Variants in R3HDM1 observed in about 807,000 individuals in gnomAD.
R3HDM1 encodes the protein R3H domain containing 1.
R3HDM1 carries 46 observed loss-of-function variants against 141.1 expected under a neutral mutation model. The ratio of observed to expected loss-of-function variants is 0.33; its 90% CI spans 0.26 to 0.42. The LOEUF (loss-of-function observed/expected upper bound fraction) is 0.42, where lower values mean the gene tolerates loss of function less well. R3HDM1 is among the 10% of genes least tolerant of loss of function. R3HDM1 has a pLI of 1.00. For missense variants in R3HDM1, 1,184 were observed against 1,368.3 expected, an observed-to-expected ratio of 0.87 and a Z score of 2.12; for synonymous variants, 435 against 472.9, an observed-to-expected ratio of 0.92 and a Z score of 1.04.
At chr2:135,554,602 C>T (rs750105830) in intron 1 of R3HDM1, among the ~76,000 whole-genome samples, 2 of 152,180 alleles carry the variant, frequency 1.3e-5, no homozygotes, top group Non-Finnish European at 2.9e-5. Context: ...TCTAAGGTGG[C>T]TATACCATTT....
intron 21 of R3HDM1, among the ~76,000 whole-genome samples, chr2:135,704,736 G>A (rs1022846427): frequency 6.6e-6 from 1 of 152,116 alleles, no homozygotes; most frequent in African/African-American, 2.4e-5. Context: ...TAGGATTACA[G>A]GCATGAGCCA....
At chr2:135,584,647 A>G (rs576448711) in intron 1 of R3HDM1, among the ~76,000 whole-genome samples, 22 of 152,360 alleles carry the variant, frequency 1.4e-4, no homozygotes, top group African/African-American at 4.8e-4. Context: ...AATTAGAGGA[A>G]GGCCTCTACT....
chr2:135,720,239 G>A (rs1427247174), intron 24 of R3HDM1, among the ~76,000 whole-genome samples: 1 of 152,166 alleles, frequency 6.6e-6, no homozygotes, highest in African/African-American at 2.4e-5. Context: ...TCTATAGGTT[G>A]GGAAAGAGTA....
intron 19 of R3HDM1, among the ~76,000 whole-genome samples, chr2:135,672,807 T>A (rs2068599952): frequency 6.6e-6 from 1 of 151,990 alleles, no homozygotes; most frequent in South Asian, 2.1e-4. Context: ...TAGGCTGCTT[T>A]AAAGAATAAG....
chr2:135,650,329 C>G (rs372698095), intron 17 of R3HDM1: 9 of 985,278 alleles, frequency 9.1e-6, no homozygotes, highest in East Asian at 1.1e-4. Flanking sequence ...GGGATGGCAG[C>G]TTTCATCTGG....
chr2:135,641,766 A>G lies in R3HDM1; in HGVS notation c.1450A>G (p.Ser484Gly), dbSNP rs557924039. ...PLEAAGIPPG[S>G]ILINPQTGQP... ...GGAAGCGGCAGGCATACCACCTGGC[A>G]GTATTCTGATCAACCCACAAACAGG... The change falls in exon 15 of 27, where the codon AGT (serine) becomes GGT (glycine). Residue 484 changes from serine to glycine, a missense_variant. Transcript: ENST00000683871. The G allele has an allele frequency of 4.2e-5, 68 of 1,614,026 alleles. No individual in the cohort carries two copies. The Middle Eastern group carries it at 4.9e-4, about 12-fold the overall frequency.
At chr2:135,708,848 A>G (rs1448238119) in intron 21 of R3HDM1, among the ~76,000 whole-genome samples, 1 of 149,878 alleles carries the variant, frequency 6.7e-6, no homozygotes, top group African/African-American at 2.4e-5. Context: ...AATCTCAGCT[A>G]CTTGGGAGGC....
intron 21 of R3HDM1, among the ~76,000 whole-genome samples, chr2:135,706,366 T>G (rs970132472): frequency 6.9e-6 from 1 of 144,904 alleles, no homozygotes; most frequent in Non-Finnish European, 1.5e-5. Context: ...TCCATAGTTT[T>G]GTTTTTGTTT....
rs1374435676 is a variant in R3HDM1 at position 135,649,955 on chromosome 2, T to C, written c.1677T>C (p.Pro559=). 1 of 1,296,616 alleles carries C rather than the reference T, an allele frequency of 7.7e-7. No homozygotes were observed. Among genetic ancestry groups the C allele is most frequent in the East Asian group, 5.6e-5 (1 of 17,738 alleles). The allele number at this position is 1,296,616 out of a possible 1,614,324, so 80.3% of individuals were successfully genotyped here. Residue 559 remains proline (P), a synonymous_variant, in exon 17 of 27, where the codon CCT becomes CCC. Transcript: ENST00000683871. ...AGCCTGTTCAGTACTCTACAGCCCCTTACCCATCCCCGTTCCTGCCAGTCT... is the reference window on the plus strand; with the variant it reads ...AGCCTGTTCAGTACTCTACAGCCCCCTACCCATCCCCGTTCCTGCCAGTCT... ...SSQPVQYSTA[P]YPSPFLPVSP... is the part of the protein sequence containing the mutation.
At position 135,711,780 on chromosome 2, in the gene R3HDM1, GA is replaced by G. The variant is rs573516650; in HGVS notation, c.2736+1552del. On this transcript the variant is annotated intron_variant, in intron 23 of 26. Coordinates refer to ENST00000683871, the MANE Select transcript of R3HDM1 (RefSeq NM_001378107.1). Reference sequence around the variant, plus strand: ...TTGAGACCAGCCTGGCCAACATGGAGAAACCCCGTCTCTACTAAAAATACAA... The same window carrying G: ...TTGAGACCAGCCTGGCCAACATGGAGAACCCCGTCTCTACTAAAAATACAA... 7.9e-5 allele frequency among the ~76,000 whole-genome samples: 12 copies of G among 151,842 alleles called. No homozygotes were observed. In the South Asian group the frequency reaches 2.5e-3, roughly 32 times the overall value.
intron 1 of R3HDM1, among the ~76,000 whole-genome samples, chr2:135,591,506 A>T (rs1486152962): frequency 6.6e-6 from 1 of 152,218 alleles, no homozygotes; most frequent in Admixed American, 6.5e-5. Flanking sequence ...GGCATTCTGA[A>T]TGGCTAAATT....
At chr2:135,712,471 C>T (rs898705596) in intron 23 of R3HDM1, among the ~76,000 whole-genome samples, 5 of 147,020 alleles carry the variant, frequency 3.4e-5, no homozygotes, top group African/African-American at 7.6e-5. Context: ...GGGGTATTGC[C>T]GTGTTGCCCA....
intron 17 of R3HDM1, 112 bp downstream of exon 17, chr2:135,650,115 T>C (rs963133258): frequency 1.3e-5 from 13 of 1,011,240 alleles, no homozygotes; most frequent in Non-Finnish European, 1.6e-5. Flanking sequence ...TGGGTCAGGT[T>C]TACATATGTA....
intron 11 of R3HDM1, 25 bp from the exon 12 acceptor site, chr2:135,638,592 CT>C (rs760277101): frequency 6.3e-7 from 1 of 1,589,560 alleles, no homozygotes; most frequent in East Asian, 2.2e-5. Flanking sequence ...AAAAGCTCAA[CT>C]TTTTGTATCT....
In R3HDM1 at chr2:135,652,171, C is replaced by G. The variant is rs1007360704; in HGVS notation, c.2028+139C>G. ...AACAAAGCATATACTCATCTTTCCG[C>G]CTCTGGAGATTTTCACGCACATGCT... On this transcript the variant is annotated intron_variant, in intron 18 of 26. Coordinates refer to ENST00000683871, the MANE Select transcript of R3HDM1 (RefSeq NM_001378107.1). The G allele has an allele frequency of 1.3e-5, 17 of 1,304,634 alleles. No homozygotes were observed. The African/African-American group carries it at 2.2e-4, about 17-fold the overall frequency. 80.8% of individuals were successfully genotyped at this position (1,304,634 alleles called of 1,614,324 possible). A position where few individuals can be genotyped will look rare whatever the true frequency, so the allele number is the denominator to read the frequency against.
rs79311597 is a variant in R3HDM1 at position 135,701,020 on chromosome 2, A to G, written c.2460-8413A>G. Among the ~76,000 whole-genome samples, 65 of 152,234 alleles carry G rather than the reference A, an allele frequency of 4.3e-4. No individual in the cohort carries two copies. The East Asian group carries it at 0.011, about 26-fold the overall frequency. On this transcript the variant is annotated intron_variant, in intron 21 of 26. Coordinates refer to ENST00000683871, the MANE Select transcript of R3HDM1 (RefSeq NM_001378107.1). ...ATTTATAAATTAGGCACAGTGATAG[A>G]TTAATAACTAATGATAGAACAATGA...
chr2:135,622,226 A>G (rs185044837), intron 6 of R3HDM1: 1 of 984,038 alleles, frequency 1.0e-6, no homozygotes, highest in Non-Finnish European at 1.2e-6. Flanking sequence ...ATTTCTATCT[A>G]CCTCCAAATT....
intron 1 of R3HDM1, among the ~76,000 whole-genome samples, chr2:135,598,060 A>G (rs750005440): frequency 4.6e-5 from 7 of 152,166 alleles, no homozygotes; most frequent in Admixed American, 1.3e-4. Context: ...TTTAGACTTC[A>G]TATATACTAG....
intron 9 of R3HDM1, among the ~76,000 whole-genome samples, chr2:135,634,568 C>G (rs1176165897): frequency 6.6e-6 from 1 of 152,150 alleles, no homozygotes; most frequent in Non-Finnish European, 1.5e-5. Context: ...CGCTTGAACA[C>G]AGGTGGCAGA....
Sources: gnomAD v4.1 joint callset for allele counts (sites outside exome capture counted in the v4.1 genomes callset) on GRCh38, gnomAD v4.1.1 for gene constraint, MANE v1.5 for transcripts, NCBI Gene and HGNC (gene_info 2026-07-23, HGNC 2026-07-21) for gene names.